MYO1D: variants seen among roughly 807,000 people sequenced by gnomAD.
The protein encoded by MYO1D is myosin ID.
In MYO1D, 83 loss-of-function variants were observed where a neutral mutation model predicts 122.0. The observed-to-expected ratio is 0.68, with a 90% CI of 0.57 to 0.82. The LOEUF (loss-of-function observed/expected upper bound fraction) is 0.82, where lower values mean the gene tolerates loss of function less well. Among genes scored for constraint, MYO1D ranks in the 40% least tolerant of loss-of-function variants. The pLI is 0.00. For missense variants in MYO1D, 1,157 were observed against 1,269.5 expected (o/e 0.91, Z 1.35); for synonymous variants, 464 against 446.9 (o/e 1.04, Z -0.48).
intron 1 of MYO1D, among the ~76,000 whole-genome samples, chr17:32,839,786 G>T (rs1264201452): frequency 6.6e-6 from 1 of 151,976 alleles, no homozygotes; most frequent in Non-Finnish European, 1.5e-5. Flanking sequence ...TTTCCACAGG[G>T]GATTTGTTAT....
chr17:32,635,916 T>C (rs1177857986), intron 20 of MYO1D, among the ~76,000 whole-genome samples: 1 of 152,196 alleles, frequency 6.6e-6, no homozygotes, highest in Non-Finnish European at 1.5e-5. Flanking sequence ...AAACATGATG[T>C]TCCCATAGTT....
chr17:32,623,752 G>A lies in MYO1D; in HGVS notation c.2709+14970C>T, dbSNP rs562507404. Among the ~76,000 whole-genome samples the A allele has an allele frequency of 3.2e-4, 48 of 152,224 alleles. 2 individuals are homozygous for A. In the South Asian group the frequency reaches 5.2e-3, roughly 16 times the overall value. On this transcript the variant is annotated intron_variant, in intron 20 of 21. Coordinates refer to ENST00000318217, the MANE Select transcript of MYO1D (RefSeq NM_015194.3). The stretch of plus-strand genomic sequence containing the variant: ...TAAACAACAGAGATTTACTCCTCAC[G>A]GTTCTGGAAGCTAGAAGTCCGAGAT...
intron 21 of MYO1D, among the ~76,000 whole-genome samples, chr17:32,570,312 G>C (rs2087211460): frequency 6.6e-6 from 1 of 152,110 alleles, no homozygotes; most frequent in South Asian, 2.1e-4. Flanking sequence ...ATGGGTACAG[G>C]ATAGTTTCCT....
intron 16 of MYO1D, among the ~76,000 whole-genome samples, chr17:32,695,923 T>G (rs1387939138): frequency 1.3e-5 from 2 of 152,236 alleles, no homozygotes; most frequent in Non-Finnish European, 2.9e-5. Context: ...CCCTGAGCAC[T>G]GCTGAGACCC....
At chr17:32,821,039 C>T (rs115312470) in intron 1 of MYO1D, among the ~76,000 whole-genome samples, 2,740 of 152,222 alleles carry the variant, frequency 0.018, 64 homozygotes, top group African/African-American at 0.06. Flanking sequence ...ACCTTCCACC[C>T]GCTGATAGGC....
chr17:32,579,438 C>T (rs1263842889), intron 21 of MYO1D, among the ~76,000 whole-genome samples: 2 of 152,200 alleles, frequency 1.3e-5, no homozygotes. Flanking sequence ...ATTCATGGCC[C>T]TGTCTCACCT....
intron 1 of MYO1D, among the ~76,000 whole-genome samples, chr17:32,825,117 C>T (rs1216519992): frequency 1.3e-5 from 2 of 152,002 alleles, no homozygotes; most frequent in South Asian, 2.1e-4. Flanking sequence ...TCAACTGTGG[C>T]CTTTTGAAAA....
intron 11 of MYO1D, among the ~76,000 whole-genome samples, chr17:32,750,350 A>C (rs2089885835): frequency 6.6e-6 from 1 of 152,224 alleles, no homozygotes; most frequent in African/African-American, 2.4e-5. Flanking sequence ...GTGGTGGCTC[A>C]CGTCTGTAAT....
rs111581079 is a variant in MYO1D, at chr17:32,653,906, A to G, written c.2532T>C (p.Val844=). Residue 844 remains valine, a synonymous_variant, in exon 19 of 22, where the codon GTT becomes GTC. Transcript: ENST00000318217. ...TGTCCTTCCGTTTCAATTCATTAGC[A>G]ACAGGGACAAAAGTGCCTGAGGTCT... ...TPQTSGTFVP[V]ANELKRKDKY... 3.7e-6 allele frequency: 6 copies of G among 1,614,042 alleles called. No individual in the cohort carries two copies. The highest frequency in any genetic ancestry group is 2.7e-5 in the African/African-American group (2 of 75,042).
chr17:32,505,723 A>T (rs1909481813), intron 21 of MYO1D: 1 of 152,282 alleles, frequency 6.6e-6, no homozygotes, highest in African/African-American at 2.4e-5. Context: ...ACCTCTTGAA[A>T]AAAGCAAATC....
At chr17:32,691,259 C>CAAA (rs35755676) in intron 16 of MYO1D, among the ~76,000 whole-genome samples, 1 of 122,008 alleles carries the variant, frequency 8.2e-6, no homozygotes, top group Non-Finnish European at 1.7e-5. Context: ...GACACTGCCT[C>CAAA]AAAAAAAAAA....
chr17:32,587,648 G>A (rs1331737058), intron 21 of MYO1D, among the ~76,000 whole-genome samples: 3 of 152,134 alleles, frequency 2.0e-5, no homozygotes, highest in Non-Finnish European at 1.5e-5. Context: ...TTTGTTGGAC[G>A]AACTAGCAGG....
At chr17:32,621,024 G>C (rs1222603477) in intron 20 of MYO1D, among the ~76,000 whole-genome samples, 1 of 152,124 alleles carries the variant, frequency 6.6e-6, no homozygotes, top group Non-Finnish European at 1.5e-5. Context: ...CGGAACCCAA[G>C]TCTAAAATGA....
chr17:32,618,268 C>A (rs544549711), intron 20 of MYO1D, among the ~76,000 whole-genome samples: 1 of 152,140 alleles, frequency 6.6e-6, no homozygotes, highest in African/African-American at 2.4e-5. Flanking sequence ...TTATTCAGGT[C>A]AAGGAAAATA....
intron 14 of MYO1D, among the ~76,000 whole-genome samples, chr17:32,727,244 A>G (rs1431707383): frequency 6.6e-6 from 1 of 152,162 alleles, no homozygotes; most frequent in Admixed American, 6.5e-5. Context: ...GTCAAGTGAC[A>G]GCTTAGGTGT....
At chr17:32,589,441 T>C (rs1050218629) in intron 21 of MYO1D, among the ~76,000 whole-genome samples, 1 of 152,136 alleles carries the variant, frequency 6.6e-6, no homozygotes, top group African/African-American at 2.4e-5. Context: ...CCGGGTTGGG[T>C]CAGATACTAC....
intron 21 of MYO1D, among the ~76,000 whole-genome samples, chr17:32,526,824 T>C (rs1372943176): frequency 2.0e-5 from 3 of 152,188 alleles, no homozygotes; most frequent in Admixed American, 2.0e-4. Flanking sequence ...AGCCAAGGCA[T>C]AGTTATTCTT....
intron 21 of MYO1D, among the ~76,000 whole-genome samples, chr17:32,500,544 TG>T (rs1165543292): frequency 2.0e-5 from 3 of 152,206 alleles, no homozygotes; most frequent in African/African-American, 7.2e-5. Context: ...GTTTGTGTGG[TG>T]CTGCTGTGAC....
intron 16 of MYO1D, among the ~76,000 whole-genome samples, chr17:32,665,819 T>C (rs184611965): frequency 6.6e-6 from 1 of 152,208 alleles, no homozygotes; most frequent in African/African-American, 2.4e-5. Flanking sequence ...ACAGGGTGAT[T>C]AGGTTGGGAG....
Sources: allele counts gnomAD v4.1 joint callset (sites outside exome capture counted in the v4.1 genomes callset), GRCh38; gene constraint gnomAD v4.1.1; transcripts MANE v1.5; gene names NCBI Gene and HGNC (gene_info 2026-07-23, HGNC 2026-07-21).